COL24A1: variants seen among roughly 807,000 people sequenced by gnomAD.
COL24A1 encodes collagen type XXIV alpha 1 chain.
In COL24A1, 224 loss-of-function variants were observed where a neutral mutation model predicts 253.9. That is an observed-to-expected ratio of 0.88 (90% CI 0.79 to 0.99). COL24A1 has a LOEUF of 0.99. Among genes scored for constraint, COL24A1 ranks in the 50% least tolerant of loss-of-function variants. COL24A1 has a pLI of 0.00. For missense variants in COL24A1, 2,131 were observed against 2,068.5 expected, an observed-to-expected ratio of 1.03 and a Z score of -0.59; for synonymous variants, 685 against 673.7, an observed-to-expected ratio of 1.02 and a Z score of -0.26.
intron 53 of COL24A1, among the ~76,000 whole-genome samples, chr1:85,763,237 T>C (rs1376031513): frequency 2.0e-5 from 3 of 151,706 alleles, no homozygotes; most frequent in Non-Finnish European, 4.4e-5. Flanking sequence ...GGCAACATAG[T>C]GAAACCCCAT....
intron 24 of COL24A1, among the ~76,000 whole-genome samples, chr1:85,948,122 C>A (rs539568354): frequency 6.6e-6 from 1 of 152,270 alleles, no homozygotes; most frequent in South Asian, 2.1e-4. Context: ...TAGATCAAGT[C>A]TCAACTTTTT....
At chr1:86,140,303 T>A (rs910700812) in intron 2 of COL24A1, among the ~76,000 whole-genome samples, 1 of 152,236 alleles carries the variant, frequency 6.6e-6, no homozygotes, top group Non-Finnish European at 1.5e-5. Context: ...CTGGAACACC[T>A]GTGCTTAAAT....
rs200383865 is a variant in COL24A1 at position 85,775,696 on chromosome 1, T to C, written c.4352A>G (p.Glu1451Gly). 1.6e-4 allele frequency: 252 copies of C among 1,608,042 alleles called. 1 individual carries two copies. The African/African-American group carries it at 3.0e-3, about 19-fold the overall frequency. The stretch of plus-strand genomic sequence containing the variant: ...TACAGTTTCACCTCTAAAGCCCTTT[T>C]CACCTCTGGGTCCCTAAAAGAAAAA... The part of the protein sequence containing the change: ...GPTGRTGPRG[E>G]KGFRGETGPQ... Residue 1451 changes from glutamate (E) to glycine (G), a missense_variant, in exon 53 of 60, where the codon GAA (glutamate) becomes GGA (glycine). Physicochemically the swap from Glu to Gly is moderately conservative, Grantham distance 98 (BLOSUM62 -2). Transcript: ENST00000370571.
chr1:85,967,639 C>G (rs1015096002), intron 22 of COL24A1, among the ~76,000 whole-genome samples: 2 of 152,130 alleles, frequency 1.3e-5, no homozygotes, highest in Admixed American at 6.6e-5. Context: ...TGGGGGAGAG[C>G]AAGTCCACAG....
Sources: allele counts gnomAD v4.1 joint callset (sites outside exome capture counted in the v4.1 genomes callset), GRCh38; gene constraint gnomAD v4.1.1; transcripts MANE v1.5; gene names NCBI Gene and HGNC (gene_info 2026-07-23, HGNC 2026-07-21).